Variants in PCSK2 observed in about 807,000 individuals in gnomAD.
PCSK2 encodes neuroendocrine convertase 2.
Under a neutral mutation model 69.7 loss-of-function variants are expected in PCSK2, and 14 were observed. That is an observed-to-expected ratio of 0.20 (90% CI 0.13 to 0.31). The LOEUF (loss-of-function observed/expected upper bound fraction) is 0.31. Ranked by LOEUF, PCSK2 falls within the 10% of genes least tolerant of loss-of-function variation. The probability of loss-of-function intolerance (pLI) is 1.00; values close to 1 mark genes in which losing one functional copy is unlikely to be tolerated. For missense variants in PCSK2, 544 were observed against 842.5 expected (o/e 0.65, Z 4.39); for synonymous variants, 307 against 320.7 (o/e 0.96, Z 0.46).
chr20:17,390,181 A>G (rs1189085237), intron 5 of PCSK2, among the ~76,000 whole-genome samples: 1 of 152,218 alleles, frequency 6.6e-6, no homozygotes. Flanking sequence ...TTCCATTTAC[A>G]TGAAGCTCTA....
intron 2 of PCSK2, among the ~76,000 whole-genome samples, chr20:17,320,697 G>T (rs1342763349): frequency 1.3e-5 from 2 of 152,176 alleles, no homozygotes; most frequent in Admixed American, 6.5e-5. Flanking sequence ...ACCGCTGGAG[G>T]GTGCTCGGGG....
At chr20:17,449,545 T>TATATATATATATA (rs1394693452) in intron 8 of PCSK2, among the ~76,000 whole-genome samples, 4 of 149,764 alleles carry the variant, frequency 2.7e-5, no homozygotes, top group African/African-American at 4.9e-5. Context: ...TATATGTATA[T>TATATATATATATA]TTGAGACTGA....
intron 2 of PCSK2, among the ~76,000 whole-genome samples, chr20:17,353,273 C>T (rs576353016): frequency 5.4e-5 from 8 of 147,876 alleles, no homozygotes; most frequent in South Asian, 2.1e-4. Context: ...CCATCCTGGC[C>T]AACACTGTGA....
chr20:17,386,901 A>G (rs1218093445), intron 5 of PCSK2, among the ~76,000 whole-genome samples: 1 of 152,196 alleles, frequency 6.6e-6, no homozygotes, highest in Non-Finnish European at 1.5e-5. Flanking sequence ...AGTGAGCACA[A>G]TCCACTTTTG....
chr20:17,280,207 A>T (rs1462903811), intron 2 of PCSK2, among the ~76,000 whole-genome samples: 5 of 152,188 alleles, frequency 3.3e-5, no homozygotes, highest in African/African-American at 7.2e-5. Context: ...CCTTTCTTCC[A>T]TTTAGTAGTA....
intron 2 of PCSK2, among the ~76,000 whole-genome samples, chr20:17,303,482 ATATATTATATTT>A (rs1989192372): frequency 5.0e-5 from 3 of 59,634 alleles, no homozygotes; most frequent in Non-Finnish European, 1.0e-4. Context: ...TATATATAAT[ATATATTATATTT>A]AATATAATAT....
chr20:17,423,086 GAA>G (rs1325709715), intron 6 of PCSK2, among the ~76,000 whole-genome samples: 1 of 152,122 alleles, frequency 6.6e-6, no homozygotes, highest in African/African-American at 2.4e-5. Flanking sequence ...AATTGATTTA[GAA>G]GTTTATTTTG....
chr20:17,246,603 G>GA (rs1986781345), intron 1 of PCSK2, among the ~76,000 whole-genome samples: 1 of 152,040 alleles, frequency 6.6e-6, no homozygotes, highest in African/African-American at 2.4e-5. Flanking sequence ...ATATCCTCCA[G>GA]AAAATGCCTG....
At position 17,378,636 on chromosome 20, in the gene PCSK2, GATGGATGA is replaced by G. The variant is rs1301029647; in HGVS notation, c.543+9367_543+9374del. On this transcript the variant is annotated intron_variant, in intron 5 of 11. Coordinates refer to ENST00000262545, the MANE Select transcript of PCSK2 (RefSeq NM_002594.5). ...GGATGGATGGATGGATGGATGGATG[GATGGATGA>G]ATGGATGGATGGATGATTGGATGGA... 6.0e-3 allele frequency among the ~76,000 whole-genome samples: 551 copies of G among 91,580 alleles called. 3 individuals carry two copies. The highest frequency in any genetic ancestry group is 0.013 in the African/African-American group (262 of 20,938). The allele number at this position is 91,580 out of a possible 152,430, so 60.1% of individuals were successfully genotyped here. A position where few individuals can be genotyped will look rare whatever the true frequency, so the allele number is the denominator to read the frequency against.
intron 6 of PCSK2, among the ~76,000 whole-genome samples, chr20:17,418,139 G>A (rs1312525754): frequency 2.6e-5 from 4 of 152,170 alleles, no homozygotes; most frequent in African/African-American, 9.7e-5. Context: ...AACAGTTACT[G>A]TATTTAAGGC....
In PCSK2 at chr20:17,465,416, C is replaced by T. The variant is rs766474629; in HGVS notation, c.1293C>T (p.Arg431=). 18 of 1,614,134 alleles carry T rather than the reference C, an allele frequency of 1.1e-5. No homozygotes were observed. In the South Asian group the frequency reaches 1.9e-4, roughly 17 times the overall value. The change falls in exon 11 of 12, where the codon CGC becomes CGT. Residue 431 remains arginine, a synonymous_variant. Coordinates refer to ENST00000262545, the MANE Select transcript of PCSK2 (RefSeq NM_002594.5). ...ACGACGAGGTCCATCAGTGGCGGCG[C>T]AATGGGGTCGGCCTGGAATTTAATC... ...QLHDEVHQWR[R]NGVGLEFNHL... is the part of the protein sequence containing the mutation.
At chr20:17,256,949 A>G (rs1197280595) in intron 1 of PCSK2, among the ~76,000 whole-genome samples, 2 of 152,040 alleles carry the variant, frequency 1.3e-5, no homozygotes, top group Non-Finnish European at 2.9e-5. Flanking sequence ...AAGGACATGA[A>G]CTCATCCTTT....
At chr20:17,353,812 C>G (rs1409513363) in intron 2 of PCSK2, among the ~76,000 whole-genome samples, 3 of 152,162 alleles carry the variant, frequency 2.0e-5, no homozygotes, top group Non-Finnish European at 4.4e-5. Flanking sequence ...GAATACTATG[C>G]AGCCATAAAG....
At chr20:17,239,083 T>C (rs1986454530) in intron 1 of PCSK2, among the ~76,000 whole-genome samples, 1 of 152,218 alleles carries the variant, frequency 6.6e-6, no homozygotes, top group Non-Finnish European at 1.5e-5. Flanking sequence ...GTTAAGTGGA[T>C]TTCCTTAATT....
chr20:17,458,941 T>C (rs1336261536), intron 10 of PCSK2, among the ~76,000 whole-genome samples: 2 of 152,158 alleles, frequency 1.3e-5, no homozygotes, highest in Non-Finnish European at 2.9e-5. Flanking sequence ...TTCTCTCATA[T>C]GACCTGGTGC....
At chr20:17,274,248 C>T (rs1987972101) in intron 2 of PCSK2, among the ~76,000 whole-genome samples, 1 of 152,152 alleles carries the variant, frequency 6.6e-6, no homozygotes, top group Admixed American at 6.6e-5. Context: ...ATACTGCCAT[C>T]CAGTCTCTGG....
intron 5 of PCSK2, among the ~76,000 whole-genome samples, chr20:17,394,589 G>C (rs2031466978): frequency 6.6e-6 from 1 of 152,164 alleles, no homozygotes; most frequent in African/African-American, 2.4e-5. Context: ...TGCCACGAAT[G>C]TTGGTGGTAG....
At chr20:17,465,153 T>C (rs576585416) in intron 10 of PCSK2, 173 bp from the exon 11 acceptor site, 5 of 657,024 alleles carry the variant, frequency 7.6e-6, no homozygotes, top group African/African-American at 5.4e-5. Flanking sequence ...ACTTATATAG[T>C]GGTTTTGAAT....
intron 1 of PCSK2, among the ~76,000 whole-genome samples, chr20:17,246,744 T>A (rs1600406731): frequency 6.6e-6 from 1 of 150,410 alleles, no homozygotes; most frequent in Admixed American, 6.7e-5. Context: ...AATCAGACTA[T>A]CCCATCCTTG....
Sources: gnomAD v4.1 joint callset for allele counts (sites outside exome capture counted in the v4.1 genomes callset) on GRCh38, gnomAD v4.1.1 for gene constraint, MANE v1.5 for transcripts, NCBI Gene and HGNC (gene_info 2026-07-23, HGNC 2026-07-21) for gene names.